USP31: variants seen among roughly 807,000 people sequenced by gnomAD.
The protein encoded by USP31 is ubiquitin carboxyl-terminal hydrolase 31.
Under a neutral mutation model 119.4 loss-of-function variants are expected in USP31, and 44 were observed. The ratio of observed to expected loss-of-function variants is 0.37; its 90% CI spans 0.29 to 0.47. The LOEUF (loss-of-function observed/expected upper bound fraction) is 0.47. Ranked by LOEUF, USP31 falls within the 20% of genes least tolerant of loss-of-function variation. The probability of loss-of-function intolerance (pLI) is 0.99; values close to 1 mark genes in which losing one functional copy is unlikely to be tolerated. For missense variants in USP31, 1,643 were observed against 1,730.2 expected (o/e 0.95, Z 0.89); for synonymous variants, 749 against 705.6 (o/e 1.06, Z -0.97).
chr16:23,116,992 T>C (rs931100670), intron 1 of USP31, among the ~76,000 whole-genome samples: 4 of 152,240 alleles, frequency 2.6e-5, no homozygotes, highest in Non-Finnish European at 5.9e-5. Flanking sequence ...AGTTCATATT[T>C]TTTTCGATTT....
rs559685217 is a variant in USP31, at chr16:23,095,536, C to A, written c.1235-4732G>T. On this transcript the variant is annotated intron_variant, in intron 6 of 15. Transcript: ENST00000219689. Reference sequence around the variant, plus strand: ...CTCCTCGAGAAGAACAACCCCAAGACACATAATTGTCAGATTCACCAAGGT... The same window carrying A: ...CTCCTCGAGAAGAACAACCCCAAGAAACATAATTGTCAGATTCACCAAGGT... Among the ~76,000 whole-genome samples the A allele has an allele frequency of 1.6e-4, 25 of 152,204 alleles. 1 individual carries two copies. In the South Asian group the frequency reaches 4.8e-3, roughly 29 times the overall value.
chr16:23,085,732 A>G, intron 9 of USP31, 70 bp from the exon 10 acceptor site: 2 of 1,264,194 alleles, frequency 1.6e-6, no homozygotes, highest in East Asian at 2.3e-5. Flanking sequence ...ACTTAATGTG[A>G]TTATGTCCTA....
At chr16:23,087,043 G>A in intron 9 of USP31, 49 bp downstream of exon 9, 1 of 1,353,618 alleles carries the variant, frequency 7.4e-7, no homozygotes, top group Non-Finnish European at 1.0e-6. Flanking sequence ...AATCACACAT[G>A]AATATGTGTG....
intron 9 of USP31, 128 bp from the exon 10 acceptor site, chr16:23,085,790 C>G: frequency 1.2e-6 from 1 of 853,342 alleles, no homozygotes; most frequent in Non-Finnish European, 1.8e-6. Flanking sequence ...CATCATAGTT[C>G]CCCATCAGAA....
rs776961232 is a variant in USP31 at position 23,069,181 on chromosome 16, C to A, written c.2924G>T (p.Arg975Leu). ...AAATGGACCAGAGAGCGGGGGCAGGCGGTCCCCTTGTGCTGAATGTTTGCT... is the reference window on the plus strand; with the variant it reads ...AAATGGACCAGAGAGCGGGGGCAGGAGGTCCCCTTGTGCTGAATGTTTGCT... ...TQSKHSAQGDRLPPLSGPFDN... is the reference protein window; with the variant it reads ...TQSKHSAQGDLLPPLSGPFDN... Residue 975 changes from arginine (R) to leucine (L), a missense_variant, in exon 16 of 16, where the codon CGC becomes CTC. By Grantham distance (102) the Arg-to-Leu change is moderately radical. Transcript: ENST00000219689. 6.2e-7 allele frequency: 1 copy of A among 1,613,998 alleles called. No individual in the cohort carries two copies. The highest frequency in any genetic ancestry group is 1.7e-5 in the Admixed American group (1 of 59,992).
intron 1 of USP31, among the ~76,000 whole-genome samples, chr16:23,111,055 G>A (rs1450596530): frequency 1.3e-5 from 2 of 152,188 alleles, no homozygotes; most frequent in Non-Finnish European, 2.9e-5. Context: ...GTGAACCCGG[G>A]AGGCAGCGCT....
In USP31 at chr16:23,148,663, G is replaced by A. The variant is rs369375199; in HGVS notation, c.608C>T (p.Thr203Ile). ...CTTGAAGTCGCGGCTGTGCTGCGGG[G>A]TGTACTCCAGGGTCCAGAGGGCCCG... ...LVRALWTLEYTPQHSRDFKTI... is the reference protein window; with the variant it reads ...LVRALWTLEYIPQHSRDFKTI... Residue 203 changes from threonine (T) to isoleucine (I), a missense_variant, in exon 1 of 16, where the codon ACC becomes ATC. Transcript: ENST00000219689. The A allele has an allele frequency of 3.5e-5, 52 of 1,497,842 alleles. No individual in the cohort carries two copies. The East Asian group carries it at 3.5e-4, about 10-fold the overall frequency. The allele number at this position is 1,497,842 out of a possible 1,614,324, so 92.8% of individuals were successfully genotyped here.
At position 23,091,733 on chromosome 16, in the gene USP31, A is replaced by G. The variant is rs548425459; in HGVS notation, c.1235-929T>C. 3.3e-5 allele frequency among the ~76,000 whole-genome samples: 5 copies of G among 152,350 alleles called. No homozygotes were observed. In the South Asian group the frequency reaches 1.0e-3, roughly 32 times the overall value. ...GTTAATGCCAATATAAATTCCAGAT[A>G]GAGTTTAAAAAAACAACACATACAA... On this transcript the variant is annotated intron_variant, in intron 6 of 15. Transcript: ENST00000219689.
At chr16:23,085,469 A>C in intron 10 of USP31, 116 bp downstream of exon 10, 1 of 918,360 alleles carries the variant, frequency 1.1e-6, no homozygotes, top group Non-Finnish European at 1.7e-6. Flanking sequence ...ACACCTGGAT[A>C]CTTAGCTAAA....
Position 23,073,857 on chromosome 16 carries a change from C to A in USP31, c.2200G>T (p.Gly734Cys), listed in dbSNP as rs903244704. 1.9e-6 allele frequency: 3 copies of A among 1,614,012 alleles called. No homozygotes were observed. Among genetic ancestry groups the A allele is most frequent in the Non-Finnish European group, 2.5e-6 (3 of 1,180,016 alleles). Reference sequence around the variant, plus strand: ...CTGTCATCGAAGCAGTACCAGAGGCCGTCCACAGAGTTCTTACAGTACGCT... The same window carrying A: ...CTGTCATCGAAGCAGTACCAGAGGCAGTCCACAGAGTTCTTACAGTACGCT... ...YTAYCKNSVD[G>C]LWYCFDDSDV... Residue 734 changes from glycine (G) to cysteine (C), a missense_variant, in exon 14 of 16, where the codon GGC (glycine) becomes TGC (cysteine). Physicochemically the swap from Gly to Cys is radical, Grantham distance 159. Coordinates refer to ENST00000219689, the MANE Select transcript of USP31 (RefSeq NM_020718.4).
rs1410130476 is a variant in USP31 at position 23,068,016 on chromosome 16, T to A, written c.*30A>T. ...GGGGTTCTAAATAAATAAACATCTTTACAGATAAAACACTTTGATTGCAGA... is the reference window on the plus strand; with the variant it reads ...GGGGTTCTAAATAAATAAACATCTTAACAGATAAAACACTTTGATTGCAGA... On this transcript the variant is annotated 3_prime_UTR_variant, in exon 16 of 16. Transcript: ENST00000219689. 6.3e-7 allele frequency: 1 copy of A among 1,576,146 alleles called. No individual in the cohort carries two copies. The highest frequency in any genetic ancestry group is 1.4e-5 in the African/African-American group (1 of 73,250).
chr16:23,131,127 T>C (rs1038258540), intron 1 of USP31, among the ~76,000 whole-genome samples: 1 of 152,034 alleles, frequency 6.6e-6, no homozygotes, highest in Admixed American at 6.6e-5. Flanking sequence ...CTGGGCAACA[T>C]ACCCCATCTC....
At chr16:23,075,361 C>T (rs1178732260) in intron 13 of USP31, among the ~76,000 whole-genome samples, 1 of 152,166 alleles carries the variant, frequency 6.6e-6, no homozygotes, top group African/African-American at 2.4e-5. Flanking sequence ...GCCTTGCCTC[C>T]TTTCAGCCTG....
rs751650014 is a variant in USP31 at position 23,068,890 on chromosome 16, C to T, written c.3215G>A (p.Arg1072His). ...AGAAGAATCTGCTTTGCTGCGGGAGCGGGAGGGCTTTAGAGAGACTTTTAC... is the reference window on the plus strand; with the variant it reads ...AGAAGAATCTGCTTTGCTGCGGGAGTGGGAGGGCTTTAGAGAGACTTTTAC... ...LPVKVSLKPS[R>H]SRSKADSSSR... The change falls in exon 16 of 16, where the codon CGC (arginine) becomes CAC (histidine). Residue 1072 changes from arginine to histidine, a missense_variant. By Grantham distance (29) the Arg-to-His change is conservative. Around this residue, in one of 5 missense-constraint regions of USP31, gnomAD observed 699 missense variants for 650.9 expected, o/e 1.07. Coordinates refer to ENST00000219689, the MANE Select transcript of USP31 (RefSeq NM_020718.4). 100 of 1,602,244 alleles carry T rather than the reference C, an allele frequency of 6.2e-5. No homozygotes were observed. The highest frequency in any genetic ancestry group is 8.2e-5 in the Non-Finnish European group (96 of 1,174,480).
Position 23,068,464 on chromosome 16 carries a change from C to T in USP31, c.3641G>A (p.Gly1214Asp). ...LRSPSTSIKS[G>D]LKRDSKSEDK... Reference sequence around the variant, plus strand: ...CTCAGACTTGCTGTCCCTCTTCAAACCAGACTTGATGCTTGTGCTGGGGGA... The same window carrying T: ...CTCAGACTTGCTGTCCCTCTTCAAATCAGACTTGATGCTTGTGCTGGGGGA... Residue 1214 changes from glycine to aspartate, a missense_variant, in exon 16 of 16, where the codon GGT becomes GAT. This residue lies in a region of USP31 where 699 missense variants were observed against 650.9 expected (regional missense o/e 1.07). Coordinates refer to ENST00000219689, the MANE Select transcript of USP31 (RefSeq NM_020718.4). The T allele has an allele frequency of 6.2e-7, 1 of 1,613,578 alleles. No individual in the cohort carries two copies. The highest frequency in any genetic ancestry group is 8.5e-7 in the Non-Finnish European group (1 of 1,179,786).
intron 1 of USP31, among the ~76,000 whole-genome samples, chr16:23,117,359 G>A (rs1902521897): frequency 6.6e-6 from 1 of 152,196 alleles, no homozygotes; most frequent in South Asian, 2.1e-4. Context: ...AAGAGCTGGT[G>A]GCAAGGATTC....
intron 1 of USP31, among the ~76,000 whole-genome samples, chr16:23,146,000 G>A (rs536860500): frequency 6.6e-6 from 1 of 152,234 alleles, no homozygotes; most frequent in South Asian, 2.1e-4. Context: ...CTATAAATCA[G>A]TCTCTGTACT....
intron 14 of USP31, chr16:23,072,482 G>A: frequency 1.7e-6 from 1 of 594,342 alleles, no homozygotes; most frequent in Non-Finnish European, 3.0e-6. Flanking sequence ...CTAAAGAATT[G>A]GCAAGAGAAT....
chr16:23,118,746 T>C (rs1484537857), intron 1 of USP31, among the ~76,000 whole-genome samples: 1 of 152,210 alleles, frequency 6.6e-6, no homozygotes, highest in Admixed American at 6.5e-5. Flanking sequence ...TAACAGTTAA[T>C]ACTTATTGAG....
Sources: allele counts gnomAD v4.1 joint callset (sites outside exome capture counted in the v4.1 genomes callset), GRCh38; gene constraint gnomAD v4.1.1; regional missense constraint gnomAD v4.1.1; transcripts MANE v1.5; gene names NCBI Gene and HGNC (gene_info 2026-07-23, HGNC 2026-07-21).